The following DMXL1 variants were observed in gnomAD, a reference collection of about 807,000 sequenced individuals.
DMXL1 encodes Dmx like 1.
In DMXL1, 99 loss-of-function variants were observed where a neutral mutation model predicts 319.2. The observed-to-expected ratio is 0.31, with a 90% CI of 0.26 to 0.37. The LOEUF is 0.37. Among genes scored for constraint, DMXL1 ranks in the 10% least tolerant of loss-of-function variants. The pLI is 1.00. For missense variants in DMXL1, 3,745 were observed against 3,595.6 expected, an observed-to-expected ratio of 1.04 and a Z score of -1.06; for synonymous variants, 1,385 against 1,235.2, an observed-to-expected ratio of 1.12 and a Z score of -2.54.
intron 35 of DMXL1, among the ~76,000 whole-genome samples, chr5:119,220,145 T>C (rs1333904555): frequency 6.6e-6 from 1 of 152,164 alleles, no homozygotes; most frequent in Non-Finnish European, 1.5e-5. Flanking sequence ...CCTATCTTTT[T>C]CAGCATCTTC....
chr5:119,124,317 CAAA>C (rs527305652), intron 9 of DMXL1, among the ~76,000 whole-genome samples: 7 of 92,316 alleles, frequency 7.6e-5, no homozygotes, highest in Non-Finnish European at 7.0e-5. Context: ...GACTCCATCT[CAAA>C]AAAAAAAAAA....
chr5:119,240,362 T>A (rs1189566998), intron 41 of DMXL1, 57 bp from the exon 42 acceptor site: 10 of 1,259,878 alleles, frequency 7.9e-6, no homozygotes, highest in Non-Finnish European at 1.1e-5. Context: ...ATATATGACA[T>A]ATTTTTTATT....
rs201585520 is a variant in DMXL1, at chr5:119,101,961, C to G, written c.240C>G (p.Ile80Met). 6.2e-7 allele frequency: 1 copy of G among 1,605,162 alleles called. No homozygotes were observed. The highest frequency in any genetic ancestry group is 2.2e-5 in the East Asian group (1 of 44,584). Residue 80 changes from isoleucine (I) to methionine (M), a missense_variant, in exon 3 of 44, where the codon ATC becomes ATG. By Grantham distance (10) the Ile-to-Met change is conservative. Coordinates refer to ENST00000539542, the MANE Select transcript of DMXL1 (RefSeq NM_001290321.3). ...GKIAASYGNV[I>M]SIFEPVNLPK... ...TTGCAGCGTCTTATGGAAATGTTAT[C>G]TCCATTTTTGAACCAGTTAACCTAC...
rs571475567 is a variant in DMXL1 at position 119,114,570 on chromosome 5, T to C, written c.564+29T>C. On this transcript the variant is annotated intron_variant, in intron 6 of 43. Coordinates refer to ENST00000539542, the MANE Select transcript of DMXL1 (RefSeq NM_001290321.3). ...AATTGTGAAAATGCTATTGCCAAATTATGTGTTTATAGTTTACTTTGAAAC... is the reference window on the plus strand; with the variant it reads ...AATTGTGAAAATGCTATTGCCAAATCATGTGTTTATAGTTTACTTTGAAAC... 21 of 1,477,788 alleles carry C rather than the reference T, an allele frequency of 1.4e-5. No individual in the cohort carries two copies. The South Asian group carries it at 2.3e-4, about 16-fold the overall frequency. 91.5% of individuals were successfully genotyped at this position (1,477,788 alleles called of 1,614,324 possible).
intron 28 of DMXL1, among the ~76,000 whole-genome samples, chr5:119,186,254 T>C (rs1287243427): frequency 6.6e-6 from 1 of 152,122 alleles, no homozygotes; most frequent in Non-Finnish European, 1.5e-5. Context: ...GCTGGTTACT[T>C]TAAGTTCAGT....
At chr5:119,160,398 T>TA (rs1166474233) in intron 19 of DMXL1, among the ~76,000 whole-genome samples, 1 of 152,240 alleles carries the variant, frequency 6.6e-6, no homozygotes, top group African/African-American at 2.4e-5. Context: ...TCAGAAAAGA[T>TA]ACTTCATATG....
At chr5:119,179,041 T>C (rs1776332768) in intron 28 of DMXL1, among the ~76,000 whole-genome samples, 1 of 152,190 alleles carries the variant, frequency 6.6e-6, no homozygotes, top group South Asian at 2.1e-4. Flanking sequence ...ATGATTTGCA[T>C]ATTATGATTC....
chr5:119,137,300 G>A (rs555062419), intron 13 of DMXL1, among the ~76,000 whole-genome samples: 3 of 152,296 alleles, frequency 2.0e-5, no homozygotes, highest in South Asian at 2.1e-4. Flanking sequence ...GCCTGTGCTC[G>A]CATTGTATCT....
At position 119,170,038 on chromosome 5, in the gene DMXL1, C is replaced by G. The variant is rs954373303; in HGVS notation, c.5399-152C>G. ...ATGTTCATTATAAATGTGTTGTTGTCTCTTCAGTGCCATGGATCATTGTGG... is the reference window on the plus strand; with the variant it reads ...ATGTTCATTATAAATGTGTTGTTGTGTCTTCAGTGCCATGGATCATTGTGG... On this transcript the variant is annotated intron_variant, in intron 23 of 43. Transcript: ENST00000539542. 2.3e-5 allele frequency: 14 copies of G among 618,088 alleles called. No individual in the cohort carries two copies. In the Admixed American group the frequency reaches 4.8e-4, roughly 21 times the overall value. The allele number at this position is 618,088 out of a possible 1,614,324, so 38.3% of individuals were successfully genotyped here. A position where few individuals can be genotyped will look rare whatever the true frequency, so the allele number is the denominator to read the frequency against.
chr5:119,117,022 A>T (rs148072047), intron 7 of DMXL1, among the ~76,000 whole-genome samples: 4 of 150,870 alleles, frequency 2.7e-5, no homozygotes, highest in Non-Finnish European at 5.9e-5. Context: ...TTTGTTTTTT[A>T]TGTGTTTTTG....
rs199636984 is a variant in DMXL1, at chr5:119,156,659, C to CT, written c.4702+4634dup. Among the ~76,000 whole-genome samples, 455 of 143,416 alleles carry CT rather than the reference C, an allele frequency of 3.2e-3. 3 individuals carry two copies. The highest frequency in any genetic ancestry group is 0.027 in the East Asian group (131 of 4,930). The allele number at this position is 143,416 out of a possible 152,430, so 94.1% of individuals were successfully genotyped here. A position where few individuals can be genotyped will look rare whatever the true frequency, so the allele number is the denominator to read the frequency against. On this transcript the variant is annotated intron_variant, in intron 19 of 43. Coordinates refer to ENST00000539542, the MANE Select transcript of DMXL1 (RefSeq NM_001290321.3). ...TGGTAATTTTGTTTTTAAATTTTTT[C>CT]TTTTTTTTTTTAGTTAAAATTTCTT...
intron 1 of DMXL1, among the ~76,000 whole-genome samples, chr5:119,073,341 C>T (rs1186681969): frequency 2.0e-5 from 3 of 152,176 alleles, no homozygotes; most frequent in African/African-American, 4.8e-5. Context: ...GGATTAGAGG[C>T]GTGAGCCACC....
chr5:119,183,719 A>G (rs567339832), intron 28 of DMXL1, among the ~76,000 whole-genome samples: 159 of 152,268 alleles, frequency 1.0e-3, no homozygotes, highest in African/African-American at 3.7e-3. Flanking sequence ...CTGGCCTCCT[A>G]AAGTGCTTGG....
chr5:119,229,347 C>T (rs1480663490), intron 38 of DMXL1, among the ~76,000 whole-genome samples: 1 of 151,944 alleles, frequency 6.6e-6, no homozygotes, highest in East Asian at 1.9e-4. Context: ...AAAGGAAAAC[C>T]TTTCATAATC....
chr5:119,225,222 CT>C (rs1442940759), intron 38 of DMXL1, among the ~76,000 whole-genome samples: 2 of 151,944 alleles, frequency 1.3e-5, no homozygotes, highest in African/African-American at 4.8e-5. Context: ...TATTTTATTA[CT>C]TTTTTTCAGT....
At chr5:119,087,530 T>A (rs926333557) in intron 1 of DMXL1, among the ~76,000 whole-genome samples, 1 of 152,214 alleles carries the variant, frequency 6.6e-6, no homozygotes, top group African/African-American at 2.4e-5. Context: ...CTTGATATAA[T>A]TTCTGTTTTT....
chr5:119,153,473 T>C (rs181235958), intron 19 of DMXL1, among the ~76,000 whole-genome samples: 1 of 152,326 alleles, frequency 6.6e-6, no homozygotes, highest in East Asian at 1.9e-4. Flanking sequence ...TATTGAAATA[T>C]ACAATACACT....
At chr5:119,091,823 T>C (rs1336651336) in intron 1 of DMXL1, among the ~76,000 whole-genome samples, 1 of 152,218 alleles carries the variant, frequency 6.6e-6, no homozygotes, top group Non-Finnish European at 1.5e-5. Flanking sequence ...GTGTTACTAC[T>C]GAACAGCCTC....
chr5:119,110,393 T>G, intron 5 of DMXL1, 110 bp downstream of exon 5: 1 of 1,018,324 alleles, frequency 9.8e-7, no homozygotes, highest in Non-Finnish European at 1.4e-6. Flanking sequence ...GTATTGATTT[T>G]TAGTCTATGA....
Sources: gnomAD v4.1 joint callset for allele counts (sites outside exome capture counted in the v4.1 genomes callset) on GRCh38, gnomAD v4.1.1 for gene constraint, MANE v1.5 for transcripts, NCBI Gene and HGNC (gene_info 2026-07-23, HGNC 2026-07-21) for gene names.